Variants in DPP10 observed in about 807,000 individuals in gnomAD.
DPP10 encodes the protein dipeptidyl peptidase like 10.
Under a neutral mutation model 120.9 loss-of-function variants are expected in DPP10, and 33 were observed. That is an observed-to-expected ratio of 0.27 (90% CI 0.21 to 0.37). The LOEUF is 0.37. Ranked by LOEUF, DPP10 falls within the 10% of genes least tolerant of loss-of-function variation. DPP10 has a pLI of 1.00. For synonymous variants in DPP10, 337 were observed against 326.1 expected, an observed-to-expected ratio of 1.03 and a Z score of -0.36; for missense variants, 816 against 942.8, an observed-to-expected ratio of 0.87 and a Z score of 1.76.
chr2:115,158,459 G>T (rs1358663187), intron 1 of DPP10, among the ~76,000 whole-genome samples: 1 of 152,192 alleles, frequency 6.6e-6, no homozygotes, highest in East Asian at 1.9e-4. Flanking sequence ...TATTGAGAAA[G>T]CAGCATTGTG....
At chr2:114,458,337 G>C (rs1678694054) in intron 1 of DPP10, among the ~76,000 whole-genome samples, 1 of 152,104 alleles carries the variant, frequency 6.6e-6, no homozygotes, top group Non-Finnish European at 1.5e-5. Context: ...AATCATCTCA[G>C]GGTGGGAGAA....
chr2:115,246,735 C>G (rs1001722945), intron 1 of DPP10, among the ~76,000 whole-genome samples: 1 of 152,128 alleles, frequency 6.6e-6, no homozygotes, highest in African/African-American at 2.4e-5. Context: ...TAGATTTGAA[C>G]TCTTATTTTA....
chr2:115,546,953 A>G (rs2079538327), intron 5 of DPP10, among the ~76,000 whole-genome samples: 1 of 152,194 alleles, frequency 6.6e-6, no homozygotes, highest in Non-Finnish European at 1.5e-5. Flanking sequence ...GGTACCTACT[A>G]ATAGAATTAA....
intron 1 of DPP10, among the ~76,000 whole-genome samples, chr2:114,480,546 TG>T (rs1680933164): frequency 6.6e-6 from 1 of 152,114 alleles, no homozygotes; most frequent in African/African-American, 2.4e-5. Context: ...GATGAGTTCA[TG>T]TCCTTTGTAG....
At position 114,994,831 on chromosome 2, in the gene DPP10, G is replaced by A. The variant is rs368650722; in HGVS notation, c.61-314408G>A. ...AGAAAGACTCTTCCAACTACACAGT[G>A]GTTATTTAGATGAAATTACCTCTAT... On this transcript the variant is annotated intron_variant, in intron 1 of 25. Coordinates refer to ENST00000410059, the MANE Select transcript of DPP10 (RefSeq NM_020868.6). 1.6e-4 allele frequency among the ~76,000 whole-genome samples: 24 copies of A among 152,150 alleles called. No individual in the cohort carries two copies. The East Asian group carries it at 4.6e-3, about 29-fold the overall frequency.
chr2:115,719,734 G>A (rs2092597790), intron 7 of DPP10, among the ~76,000 whole-genome samples: 1 of 152,112 alleles, frequency 6.6e-6, no homozygotes, highest in South Asian at 2.1e-4. Context: ...AAGTATAAAT[G>A]CTGATATATA....
chr2:114,467,867 A>T (rs1368738347), intron 1 of DPP10, among the ~76,000 whole-genome samples: 2 of 152,010 alleles, frequency 1.3e-5, no homozygotes, highest in African/African-American at 4.8e-5. Context: ...CCACAAAAAA[A>T]CATTAGCCAG....
At chr2:115,611,458 A>G (rs7570085) in intron 5 of DPP10, among the ~76,000 whole-genome samples, 85,454 of 152,012 alleles carry the variant, frequency 0.56, 26,082 homozygotes, top group African/African-American at 0.8. Flanking sequence ...CTTACCCCAC[A>G]CAGCCTTGTT....
At position 115,535,183 on chromosome 2, in the gene DPP10, C is replaced by T. The variant is rs372117315; in HGVS notation, c.441+9211C>T. Among the ~76,000 whole-genome samples, 732 of 151,956 alleles carry T rather than the reference C, an allele frequency of 4.8e-3. 14 individuals carry two copies. Among genetic ancestry groups the T allele is most frequent in the Admixed American group, 0.033 (500 of 15,204 alleles). On this transcript the variant is annotated intron_variant, in intron 5 of 25. Coordinates refer to ENST00000410059, the MANE Select transcript of DPP10 (RefSeq NM_020868.6). ...TTTGGTGTTTTAGACATGAAGTCCT[C>T]GCCCATGCCTATGTCCTGAATGGTA...
intron 1 of DPP10, among the ~76,000 whole-genome samples, chr2:115,098,511 A>G (rs1253313134): frequency 1.3e-5 from 2 of 152,154 alleles, no homozygotes; most frequent in African/African-American, 4.8e-5. Context: ...AACCTGTACG[A>G]CATGTTATTG....
chr2:115,372,883 C>G (rs1021228646), intron 3 of DPP10, among the ~76,000 whole-genome samples: 1 of 152,140 alleles, frequency 6.6e-6, no homozygotes, highest in Admixed American at 6.5e-5. Context: ...ATTTAACTTG[C>G]TTTTGTCACT....
intron 4 of DPP10, among the ~76,000 whole-genome samples, chr2:115,505,056 T>G (rs2076870690): frequency 6.6e-6 from 1 of 152,086 alleles, no homozygotes; most frequent in South Asian, 2.1e-4. Flanking sequence ...GATCTAGAAA[T>G]TAGATTCTAC....
Position 115,531,148 on chromosome 2 carries a change from G to GTTTTTTT in DPP10, c.441+5185_441+5191dup, listed in dbSNP as rs58542777. Among the ~76,000 whole-genome samples, 3 of 125,874 alleles carry GTTTTTTT rather than the reference G, an allele frequency of 2.4e-5. 1 individual carries two copies. The allele number at this position is 125,874 out of a possible 152,430, so 82.6% of individuals were successfully genotyped here. ...CTTACCTAATATGATTCAAGATTGAGTTTTTTTTTTTTTTTCCTGAAACAG... is the reference window on the plus strand; with the variant it reads ...CTTACCTAATATGATTCAAGATTGAGTTTTTTTTTTTTTTTTTTTTTTCCTGAAACAG... On this transcript the variant is annotated intron_variant, in intron 5 of 25. Coordinates refer to ENST00000410059, the MANE Select transcript of DPP10 (RefSeq NM_020868.6).
At chr2:115,682,386 G>A (rs547777309) in intron 5 of DPP10, among the ~76,000 whole-genome samples, 1 of 151,846 alleles carries the variant, frequency 6.6e-6, no homozygotes, top group Non-Finnish European at 1.5e-5. Context: ...ACTCAAGAGT[G>A]TAGTATGGTG....
At chr2:115,437,921 T>C (rs2071642780) in intron 3 of DPP10, among the ~76,000 whole-genome samples, 1 of 152,144 alleles carries the variant, frequency 6.6e-6, no homozygotes, top group South Asian at 2.1e-4. Context: ...TAAATTCATT[T>C]TATGTGCCAC....
At position 115,768,374 on chromosome 2, in the gene DPP10, A is replaced by C; in HGVS notation, c.1191A>C (p.Glu397Asp). Residue 397 changes from glutamate (E) to aspartate (D), a missense_variant, in exon 13 of 26, where the codon GAA (glutamate) becomes GAC (aspartate). By Grantham distance (45) the Glu-to-Asp change is conservative. This residue lies in a region of DPP10 where 592 missense variants were observed against 649.0 expected (regional missense o/e 0.91). Transcript: ENST00000410059. ...TVPVKQGGRG[E>D]FHHVAMFLIQ... Reference sequence around the variant, plus strand: ...CTGTTAAGCAAGGGGGACGTGGAGAATTTCACCACGTAGCTATGTTCCTCA... The same window carrying C: ...CTGTTAAGCAAGGGGGACGTGGAGACTTTCACCACGTAGCTATGTTCCTCA... 2.5e-6 allele frequency: 4 copies of C among 1,613,558 alleles called. No homozygotes were observed. In the South Asian group the frequency reaches 4.4e-5, roughly 18 times the overall value.
intron 2 of DPP10, chr2:115,342,185 A>G (rs1352809057): frequency 1.1e-5 from 5 of 453,882 alleles, no homozygotes; most frequent in Non-Finnish European, 1.8e-5. Context: ...TCTATTATGT[A>G]TGTATGTGTG....
At chr2:114,961,691 G>A (rs1359325285) in intron 1 of DPP10, among the ~76,000 whole-genome samples, 1 of 152,026 alleles carries the variant, frequency 6.6e-6, no homozygotes, top group Admixed American at 6.6e-5. Flanking sequence ...CTAGTACAAT[G>A]TCTGACATAT....
intron 1 of DPP10, among the ~76,000 whole-genome samples, chr2:114,492,279 C>T (rs1299474811): frequency 6.6e-6 from 1 of 151,880 alleles, no homozygotes; most frequent in Admixed American, 6.6e-5. Context: ...AATTTTATTC[C>T]CAAAGCTAAT....
Sources: allele counts gnomAD v4.1 joint callset (sites outside exome capture counted in the v4.1 genomes callset), GRCh38; gene constraint gnomAD v4.1.1; regional missense constraint gnomAD v4.1.1; transcripts MANE v1.5; gene names NCBI Gene and HGNC (gene_info 2026-07-23, HGNC 2026-07-21).